The following SLC9B1 variants were observed in gnomAD, a reference collection of about 807,000 sequenced individuals.
SLC9B1 encodes solute carrier family 9 member B1, also known as sodium/hydrogen exchanger 9B1.
In SLC9B1, 32 loss-of-function variants were observed where a neutral mutation model predicts 51.7. That is an observed-to-expected ratio of 0.62 (90% confidence interval 0.47 to 0.83). The LOEUF (loss-of-function observed/expected upper bound fraction) is 0.83. Ranked by LOEUF, SLC9B1 falls within the 40% of genes least tolerant of loss-of-function variation. The pLI, the probability that SLC9B1 is intolerant of heterozygous loss-of-function variation, is 0.00. For missense variants in SLC9B1, 406 were observed against 613.2 expected (o/e 0.66, Z 3.57); for synonymous variants, 145 against 212.7 (o/e 0.68, Z 2.77).
At chr4:102,918,068 C>CAA (rs1196562612) in intron 7 of SLC9B1, among the ~76,000 whole-genome samples, 6 of 17,724 alleles carry the variant, frequency 3.4e-4, no homozygotes, top group Admixed American at 6.2e-4. Context: ...AACTCCATCT[C>CAA]AAAAAAAAAA....
intron 3 of SLC9B1, among the ~76,000 whole-genome samples, chr4:102,982,839 A>G (rs911988406): frequency 7.2e-5 from 11 of 152,048 alleles, no homozygotes; most frequent in Non-Finnish European, 1.5e-4. Flanking sequence ...ACAAAGACAA[A>G]TTTATTTCTT....
chr4:102,918,032 C>T (rs1303746508), intron 7 of SLC9B1, among the ~76,000 whole-genome samples: 1 of 137,432 alleles, frequency 7.3e-6, no homozygotes, highest in African/African-American at 2.8e-5. Context: ...CGTGCCACTG[C>T]ACTCCAGCCT....
chr4:102,892,796 A>T (rs2110411573), intron 11 of SLC9B1: 1 of 152,316 alleles, frequency 6.6e-6, no homozygotes, highest in South Asian at 2.1e-4. Context: ...TAAAAATGTC[A>T]AGTTTATTAA....
At chr4:102,887,244 C>G in intron 11 of SLC9B1, 1 of 729,312 alleles carries the variant, frequency 1.4e-6, no homozygotes, top group Non-Finnish European at 2.4e-6. Flanking sequence ...TTTTTTTTAG[C>G]AAGTGATATG....
chr4:102,936,540 T>C (rs554487198), intron 6 of SLC9B1, among the ~76,000 whole-genome samples: 58 of 152,250 alleles, frequency 3.8e-4, no homozygotes, highest in Non-Finnish European at 7.1e-4. Context: ...AAAGATGAAA[T>C]AGGCATTTTA....
rs1011767048 is a variant in SLC9B1, at chr4:102,905,770, C to A, written c.1196-120G>T. 15 of 858,612 alleles carry A rather than the reference C, an allele frequency of 1.7e-5. No individual in the cohort carries two copies. The African/African-American group carries it at 2.4e-4, about 14-fold the overall frequency. The allele number at this position is 858,612 out of a possible 1,614,324, so 53.2% of individuals were successfully genotyped here. On this transcript the variant is annotated intron_variant, in intron 10 of 11. Transcript: ENST00000296422. ...TTTAAGGCTATTGTCTCTTCATGTG[C>A]TTATTTTTTACATAAAAACAATGAT...
intron 1 of SLC9B1, 67 bp downstream of exon 1, chr4:103,019,531 GA>G (rs1741635640): frequency 1.0e-5 from 10 of 970,276 alleles, no homozygotes; most frequent in Non-Finnish European, 1.2e-5. Context: ...GCAAGGAAAC[GA>G]TCGCGGCAGA....
chr4:102,991,621 C>T, intron 2 of SLC9B1, 22 bp downstream of exon 2: 1 of 1,480,354 alleles, frequency 6.8e-7, no homozygotes, highest in South Asian at 1.2e-5. Flanking sequence ...TCATATATTA[C>T]AGTATACTTT....
At chr4:103,001,865 G>A (rs542679060) in intron 1 of SLC9B1, among the ~76,000 whole-genome samples, 1 of 152,218 alleles carries the variant, frequency 6.6e-6, no homozygotes, top group East Asian at 1.9e-4. Context: ...CCCAACATTA[G>A]GTAATTTATA....
At chr4:102,933,125 A>AT (rs902526326) in intron 6 of SLC9B1, among the ~76,000 whole-genome samples, 4 of 152,236 alleles carry the variant, frequency 2.6e-5, no homozygotes, top group African/African-American at 2.4e-5. Context: ...TCCTGCCAGA[A>AT]TTGACCTGGT....
chr4:102,897,975 C>G (rs1734616565), downstream of SLC9B1: 1 of 388,736 alleles, frequency 2.6e-6, no homozygotes, highest in South Asian at 2.0e-5. Flanking sequence ...GAACCTTTGA[C>G]TTCCATGATG....
intron 3 of SLC9B1, among the ~76,000 whole-genome samples, chr4:102,980,463 G>C (rs1739294788): frequency 2.0e-5 from 3 of 152,156 alleles, no homozygotes; most frequent in African/African-American, 7.2e-5. Context: ...GGAGCTGGAA[G>C]CTGTTATCTT....
chr4:102,900,419 A>T (rs563866934), downstream of SLC9B1, among the ~76,000 whole-genome samples: 8 of 152,332 alleles, frequency 5.3e-5, no homozygotes, highest in Admixed American at 5.2e-4. Context: ...TTATGCCTAG[A>T]TTTTAAAATA....
intron 1 of SLC9B1, among the ~76,000 whole-genome samples, chr4:102,992,368 T>A (rs1354073855): frequency 3.3e-5 from 5 of 152,282 alleles, no homozygotes; most frequent in Admixed American, 1.3e-4. Flanking sequence ...AAATATCTTC[T>A]CTCAATTTTT....
At chr4:103,001,999 T>C (rs1740549003) in intron 1 of SLC9B1, among the ~76,000 whole-genome samples, 2 of 152,160 alleles carry the variant, frequency 1.3e-5, no homozygotes, top group Admixed American at 6.5e-5. Flanking sequence ...GAGAGAGAAG[T>C]GCAAGAAGGG....
chr4:102,948,325 T>TACACACACAC lies in SLC9B1; in HGVS notation c.382+922_382+931dup, dbSNP rs375091561. On this transcript the variant is annotated intron_variant, in intron 4 of 11. Coordinates refer to ENST00000296422, the MANE Select transcript of SLC9B1 (RefSeq NM_139173.4). Reference sequence around the variant, plus strand: ...GTTATACCCGAATCAGGCAAAGCCATACACACACACACACACACACACACA... The same window carrying TACACACACAC: ...GTTATACCCGAATCAGGCAAAGCCATACACACACACACACACACACACACACACACACACA... Among the ~76,000 whole-genome samples, 645 of 127,536 alleles carry TACACACACAC rather than the reference T, an allele frequency of 5.1e-3. 5 individuals carry two copies. The highest frequency in any genetic ancestry group is 7.4e-3 in the African/African-American group (242 of 32,526). The allele number at this position is 127,536 out of a possible 152,430, so 83.7% of individuals were successfully genotyped here.
At chr4:102,965,781 T>C (rs1158045833) in intron 3 of SLC9B1, among the ~76,000 whole-genome samples, 3 of 95,122 alleles carry the variant, frequency 3.2e-5, no homozygotes, top group Non-Finnish European at 5.9e-5. Context: ...GCCTGTAAAA[T>C]AATAAAAAAA....
intron 1 of SLC9B1, among the ~76,000 whole-genome samples, chr4:102,994,675 G>A (rs1373568384): frequency 6.6e-6 from 1 of 152,166 alleles, no homozygotes; most frequent in Admixed American, 6.5e-5. Flanking sequence ...AGGTTTAATG[G>A]ACTCACAGTT....
rs557266870 is a variant in SLC9B1, at chr4:103,019,174, G to C, written c.-2+425C>G. Among the ~76,000 whole-genome samples, 17 of 152,224 alleles carry C rather than the reference G, an allele frequency of 1.1e-4. No homozygotes were observed. The East Asian group carries it at 2.3e-3, about 21-fold the overall frequency. The stretch of plus-strand genomic sequence containing the variant: ...GTGGATGTGGGTGGGTGGGGGAAGA[G>C]AGCTTTCTCAGGATCGGCAACCAAT... On this transcript the variant is annotated intron_variant, in intron 1 of 11. Coordinates refer to ENST00000296422, the MANE Select transcript of SLC9B1 (RefSeq NM_139173.4).
Sources: gnomAD v4.1 joint callset for allele counts (sites outside exome capture counted in the v4.1 genomes callset) on GRCh38, gnomAD v4.1.1 for gene constraint, MANE v1.5 for transcripts, NCBI Gene and HGNC (gene_info 2026-07-23, HGNC 2026-07-21) for gene names.